CRPPA: variants seen among roughly 807,000 people sequenced by gnomAD.
CRPPA encodes the protein D-ribitol-5-phosphate cytidylyltransferase.
Under a neutral mutation model 52.0 loss-of-function variants are expected in CRPPA, and 43 were observed. The observed-to-expected ratio is 0.83, with a 90% CI of 0.65 to 1.07. The LOEUF (loss-of-function observed/expected upper bound fraction) is 1.07, where lower values mean the gene tolerates loss of function less well. CRPPA is among the 50% of genes least tolerant of loss of function. The pLI is 0.00. For synonymous variants in CRPPA, 250 were observed against 203.5 expected, an observed-to-expected ratio of 1.23 and a Z score of -1.94; for missense variants, 629 against 551.7, an observed-to-expected ratio of 1.14 and a Z score of -1.40.
intron 3 of CRPPA, among the ~76,000 whole-genome samples, chr7:16,349,744 C>T (rs920311656): frequency 2.0e-5 from 3 of 151,472 alleles, no homozygotes; most frequent in South Asian, 2.1e-4. Context: ...AGAAAGAGTA[C>T]GGATTACTTA....
At chr7:16,420,046 C>A (rs2128321124) in intron 1 of CRPPA, among the ~76,000 whole-genome samples, 1 of 152,280 alleles carries the variant, frequency 6.6e-6, no homozygotes, top group South Asian at 2.1e-4. Context: ...ACAACTTGAA[C>A]CTTTTGGCTT....
At chr7:16,405,805 T>C (rs796534624) in intron 2 of CRPPA, among the ~76,000 whole-genome samples, 10 of 152,350 alleles carry the variant, frequency 6.6e-5, no homozygotes, top group African/African-American at 2.4e-4. Context: ...GTTTCATTTA[T>C]ATCTATACTG....
chr7:16,199,581 C>T lies in CRPPA; in HGVS notation c.1251+16485G>A, dbSNP rs114319281. Among the ~76,000 whole-genome samples the T allele has an allele frequency of 9.7e-3, 1,470 of 152,090 alleles. 29 individuals are homozygous for T. The highest frequency in any genetic ancestry group is 0.034 in the African/African-American group (1,408 of 41,516). On this transcript the variant is annotated intron_variant, in intron 9 of 9. Coordinates refer to ENST00000407010, the MANE Select transcript of CRPPA (RefSeq NM_001101426.4). ...TAACCCCACAGTCATTTTTTATTAC[C>T]ATCAAAATAAAATTCTCCTGAATCT...
chr7:16,147,500 T>A lies in CRPPA; in HGVS notation c.1252-55701A>T, dbSNP rs534301276. On this transcript the variant is annotated intron_variant, in intron 9 of 9. Transcript: ENST00000407010. ...ATGCCTCTACCAAGCACAGTCTTCTTATAACTGATGTCATTTATGCACTTA... is the reference window on the plus strand; with the variant it reads ...ATGCCTCTACCAAGCACAGTCTTCTAATAACTGATGTCATTTATGCACTTA... 3.3e-5 allele frequency among the ~76,000 whole-genome samples: 5 copies of A among 152,318 alleles called. No homozygotes were observed. The East Asian group carries it at 9.6e-4, about 29-fold the overall frequency.
rs1253287998 is a variant in CRPPA at position 16,394,737 on chromosome 7, C to T, written c.534+11324G>A. On this transcript the variant is annotated intron_variant, in intron 2 of 9. Coordinates refer to ENST00000407010, the MANE Select transcript of CRPPA (RefSeq NM_001101426.4). ...ATTACTAGGTTCTTGTCTATGAAAG[C>T]CAGAATATCAGATGGGAAAGTTGTA... Among the ~76,000 whole-genome samples the T allele has an allele frequency of 2.6e-5, 4 of 151,970 alleles. 1 individual carries two copies. Among genetic ancestry groups the T allele is most frequent in the African/African-American group, 9.7e-5 (4 of 41,386 alleles).
chr7:16,303,477 TAAA>T (rs545663821), intron 4 of CRPPA, among the ~76,000 whole-genome samples: 17,779 of 44,650 alleles, frequency 0.4, 2,247 homozygotes, highest in Non-Finnish European at 0.49. Context: ...CATAAAATAG[TAAA>T]AAAAAAAAAA....
intron 5 of CRPPA, among the ~76,000 whole-genome samples, chr7:16,283,467 GTATC>G (rs1191761457): frequency 6.7e-6 from 1 of 149,456 alleles, no homozygotes; most frequent in Non-Finnish European, 1.5e-5. Context: ...AGATGATACT[GTATC>G]TATGGGTATA....
intron 6 of CRPPA, among the ~76,000 whole-genome samples, chr7:16,264,131 T>C (rs1783891107): frequency 6.6e-6 from 1 of 152,094 alleles, no homozygotes; most frequent in African/African-American, 2.4e-5. Flanking sequence ...TTTACCTAAA[T>C]ATAGCAAAGG....
chr7:16,400,192 G>A (rs569625542), intron 2 of CRPPA, among the ~76,000 whole-genome samples: 9 of 152,174 alleles, frequency 5.9e-5, no homozygotes, highest in Non-Finnish European at 1.0e-4. Flanking sequence ...TGACTGACAC[G>A]ATTGAAACAT....
chr7:16,141,376 A>T (rs905911596), intron 9 of CRPPA, among the ~76,000 whole-genome samples: 18 of 152,296 alleles, frequency 1.2e-4, no homozygotes, highest in African/African-American at 4.3e-4. Flanking sequence ...ATCAAGAACC[A>T]TTTTTTCCAT....
At chr7:16,366,545 A>G (rs1786592691) in intron 3 of CRPPA, among the ~76,000 whole-genome samples, 1 of 152,202 alleles carries the variant, frequency 6.6e-6, no homozygotes, top group African/African-American at 2.4e-5. Flanking sequence ...AATCACTTCT[A>G]AACTGCCATA....
chr7:16,254,921 G>C (rs1286154536), intron 8 of CRPPA, among the ~76,000 whole-genome samples: 1 of 152,140 alleles, frequency 6.6e-6, no homozygotes, highest in African/African-American at 2.4e-5. Context: ...ATTCAACATA[G>C]TATTGGAAGT....
intron 8 of CRPPA, among the ~76,000 whole-genome samples, chr7:16,222,579 C>G (rs1253530567): frequency 6.6e-6 from 1 of 151,938 alleles, no homozygotes; most frequent in African/African-American, 2.4e-5. Flanking sequence ...GATAGAAATA[C>G]AGTATTACAT....
chr7:16,342,828 G>GATATATAGATATATAGATATAC (rs1342457723), intron 3 of CRPPA, among the ~76,000 whole-genome samples: 7 of 132,496 alleles, frequency 5.3e-5, no homozygotes, highest in Non-Finnish European at 7.7e-5. Flanking sequence ...TACATATATA[G>GATATATAGATATATAGATATAC]ATATATAGAT....
rs564088594 is a variant in CRPPA, at chr7:16,252,321, A to G, written c.1119+6069T>C. On this transcript the variant is annotated intron_variant, in intron 8 of 9. Coordinates refer to ENST00000407010, the MANE Select transcript of CRPPA (RefSeq NM_001101426.4). ...AAAAATCACATGATTGTCTCAACAG[A>G]TGCAGAAAAGGCCTTTGACAAAATT... 4.5e-4 allele frequency among the ~76,000 whole-genome samples: 68 copies of G among 152,320 alleles called. 1 individual carries two copies. Among genetic ancestry groups the G allele is most frequent in the African/African-American group, 1.5e-3 (64 of 41,590 alleles).
intron 9 of CRPPA, among the ~76,000 whole-genome samples, chr7:16,213,613 G>C (rs1487502244): frequency 1.3e-5 from 2 of 151,950 alleles, no homozygotes; most frequent in African/African-American, 4.8e-5. Flanking sequence ...ACTGGGCATG[G>C]TGGCGGGCAC....
chr7:16,382,504 C>T (rs1210280532), intron 2 of CRPPA, among the ~76,000 whole-genome samples: 1 of 152,108 alleles, frequency 6.6e-6, no homozygotes, highest in South Asian at 2.1e-4. Context: ...ATCTTTGTGG[C>T]ATTCTCTGTA....
At chr7:16,358,116 AG>A (rs1349112313) in intron 3 of CRPPA, among the ~76,000 whole-genome samples, 1 of 152,154 alleles carries the variant, frequency 6.6e-6, no homozygotes, top group African/African-American at 2.4e-5. Context: ...TTACACAGGC[AG>A]AAGCTGGCAG....
intron 2 of CRPPA, among the ~76,000 whole-genome samples, chr7:16,378,047 C>A (rs563902464): frequency 1.3e-5 from 2 of 152,212 alleles, no homozygotes; most frequent in Admixed American, 1.3e-4. Context: ...AAATAGTGCA[C>A]TGTGCCCACC....
Sources: allele counts gnomAD v4.1 joint callset (sites outside exome capture counted in the v4.1 genomes callset), GRCh38; gene constraint gnomAD v4.1.1; transcripts MANE v1.5; gene names NCBI Gene and HGNC (gene_info 2026-07-23, HGNC 2026-07-21).